KIF3C: variants seen among roughly 807,000 people sequenced by gnomAD.
KIF3C encodes kinesin-like protein KIF3C.
A neutral mutation model predicts 67.7 loss-of-function variants in KIF3C; 12 were observed. That is an observed-to-expected ratio of 0.18 (90% CI 0.11 to 0.29). KIF3C has a LOEUF of 0.29. Ranked by LOEUF, KIF3C falls within the 10% of genes least tolerant of loss-of-function variation. The pLI, the probability that KIF3C is intolerant of heterozygous loss-of-function variation, is 1.00. For synonymous variants in KIF3C, 393 were observed against 426.2 expected (o/e 0.92, Z 0.96); for missense variants, 789 against 1,059.6 (o/e 0.74, Z 3.55).
rs763979541 is a variant in KIF3C, at chr2:25,955,650, C to T, written c.1661G>A (p.Arg554Gln). 5 of 1,614,134 alleles carry T rather than the reference C, an allele frequency of 3.1e-6. No individual in the cohort carries two copies. Among genetic ancestry groups the T allele is most frequent in the Non-Finnish European group, 4.2e-6 (5 of 1,179,986 alleles). The change falls in exon 3 of 8, where the codon CGG becomes CAG. Residue 554 changes from arginine to glutamine, a missense_variant. Transcript: ENST00000264712. The surrounding 1 kb of genome is among the most constrained non-coding windows in gnomAD (Gnocchi z 5.0). The part of the protein sequence containing the change: ...QEIAEQKRRE[R>Q]EMQQEMMLRD... Reference sequence around the variant, plus strand: ...GAGCATCATCTCCTGCTGCATCTCCCGCTCACGACGTTTCTAGGCCAAGGA... The same window carrying T: ...GAGCATCATCTCCTGCTGCATCTCCTGCTCACGACGTTTCTAGGCCAAGGA...
chr2:25,952,260 C>G (rs1663636728), intron 4 of KIF3C, among the ~76,000 whole-genome samples: 1 of 151,880 alleles, frequency 6.6e-6, no homozygotes, highest in Admixed American at 6.6e-5. Flanking sequence ...TAGATCACAC[C>G]ACTGCACTCC....
Position 25,962,914 on chromosome 2 carries a change from T to A in KIF3C, c.1546-6470A>T, listed in dbSNP as rs1168645317. ...AATATAAAATATATATAATATATAA[T>A]ATATATAATATATAATACATATAAT... On this transcript the variant is annotated intron_variant, in intron 1 of 7. Coordinates refer to ENST00000264712, the MANE Select transcript of KIF3C (RefSeq NM_002254.8). 7.3e-5 allele frequency among the ~76,000 whole-genome samples: 4 copies of A among 54,946 alleles called. 1 individual carries two copies. Among genetic ancestry groups the A allele is most frequent in the African/African-American group, 2.0e-4 (2 of 10,070 alleles). The allele number at this position is 54,946 out of a possible 152,430, so 36.0% of individuals were successfully genotyped here.
At chr2:25,963,804 TG>T (rs1664072126) in intron 1 of KIF3C, among the ~76,000 whole-genome samples, 1 of 151,650 alleles carries the variant, frequency 6.6e-6, no homozygotes, top group African/African-American at 2.4e-5. Context: ...GCGACTCTCC[TG>T]CCTCAGCCTC....
In KIF3C at chr2:25,956,436, C is replaced by T. The variant is rs778828323; in HGVS notation, c.1554G>A (p.Glu518=). The part of the protein sequence containing the change: ...ELLAAKYKAM[E]SKLLIGGRNI... Reference sequence around the variant, plus strand: ...TCCTGCCCCCGATGAGGAGCTTGCTCTCCATGGCCTGGGGACACAGAGGGG... The same window carrying T: ...TCCTGCCCCCGATGAGGAGCTTGCTTTCCATGGCCTGGGGACACAGAGGGG... The change falls in exon 2 of 8, where the codon GAG becomes GAA. Residue 518 remains glutamate, a synonymous_variant. Coordinates refer to ENST00000264712, the MANE Select transcript of KIF3C (RefSeq NM_002254.8). 10 of 1,613,746 alleles carry T rather than the reference C, an allele frequency of 6.2e-6. No homozygotes were observed. In the East Asian group the frequency reaches 1.8e-4, roughly 29 times the overall value.
rs1157662074 is a variant in KIF3C, at chr2:25,932,630, T to C, written c.2007-2567A>G. Among the ~76,000 whole-genome samples the C allele has an allele frequency of 6.7e-5, 10 of 148,342 alleles. No individual in the cohort carries two copies. The South Asian group carries it at 1.1e-3, about 16-fold the overall frequency. ...GGCGGATCACCTGAGGTCAGGAGTT[T>C]GAGACCAGCCTGGCCAACATGGTGA... On this transcript the variant is annotated intron_variant, in intron 5 of 7. Coordinates refer to ENST00000264712, the MANE Select transcript of KIF3C (RefSeq NM_002254.8).
chr2:25,937,740 T>C (rs1033882455), intron 5 of KIF3C, among the ~76,000 whole-genome samples: 1 of 152,078 alleles, frequency 6.6e-6, no homozygotes, highest in African/African-American at 2.4e-5. Context: ...ATCTGAATCT[T>C]CCCATATACT....
In KIF3C at chr2:25,969,391, A is replaced by C. The variant is rs146696360; in HGVS notation, c.1545+10982T>G. Among the ~76,000 whole-genome samples, 561 of 152,278 alleles carry C rather than the reference A, an allele frequency of 3.7e-3. 2 individuals are homozygous for C. The highest frequency in any genetic ancestry group is 0.013 in the African/African-American group (546 of 41,558). ...ATTAATTTTTGTTTAATTTTTTAAA[A>C]GTGGGTGATGGGTGCACCAAAATCT... is the stretch of plus-strand genomic sequence containing the variant. On this transcript the variant is annotated intron_variant, in intron 1 of 7. Coordinates refer to ENST00000264712, the MANE Select transcript of KIF3C (RefSeq NM_002254.8).
chr2:25,971,901 C>CTTTTTTTTTTTTTTTTT (rs1173656634), intron 1 of KIF3C, among the ~76,000 whole-genome samples: 40 of 55,120 alleles, frequency 7.3e-4, no homozygotes, highest in African/African-American at 8.4e-4. Context: ...TTTTTTTTTA[C>CTTTTTTTTTTTTTTTTT]TTTTTTGTAG....
rs148885348 is a variant in KIF3C at position 25,981,780 on chromosome 2, G to A, written c.138C>T (p.Asn46=). The A allele has an allele frequency of 2.5e-6, 4 of 1,613,502 alleles. No individual in the cohort carries two copies. Among genetic ancestry groups the A allele is most frequent in the Non-Finnish European group, 3.4e-6 (4 of 1,179,748 alleles). The part of the protein sequence containing the change: ...DVKLGQVTLR[N]PRAAPGELPK... ...GCAGCTCCCCCGGGGCGGCGCGGGG[G>A]TTCCGCAGGGTCACCTGGCCCAGTT... The change falls in exon 1 of 8, where the codon AAC becomes AAT. Residue 46 remains asparagine (N), a synonymous_variant. Transcript: ENST00000264712. The surrounding 1 kb of genome is among the most constrained non-coding windows in gnomAD (Gnocchi z 8.2).
chr2:25,979,074 C>T (rs781072373), intron 1 of KIF3C, among the ~76,000 whole-genome samples: 3 of 152,206 alleles, frequency 2.0e-5, no homozygotes, highest in Non-Finnish European at 2.9e-5. Context: ...GGCCCCCCTG[C>T]TCCCCAGCCC....
At chr2:25,944,144 T>G (rs995198250) in intron 5 of KIF3C, among the ~76,000 whole-genome samples, 1 of 151,872 alleles carries the variant, frequency 6.6e-6, no homozygotes, top group Non-Finnish European at 1.5e-5. Context: ...GTCTCCCAGG[T>G]TCAAGCAATT....
intron 5 of KIF3C, among the ~76,000 whole-genome samples, chr2:25,949,995 A>G (rs1158897031): frequency 6.7e-6 from 1 of 150,196 alleles, no homozygotes; most frequent in African/African-American, 2.4e-5. Flanking sequence ...GGTTCAAGTG[A>G]TTCTCTTGCC....
At chr2:25,962,832 AT>A (rs1663995685) in intron 1 of KIF3C, among the ~76,000 whole-genome samples, 1 of 71,092 alleles carries the variant, frequency 1.4e-5, no homozygotes, top group Non-Finnish European at 2.5e-5. Flanking sequence ...TATAAAATAT[AT>A]AAAATATATA....
At chr2:25,961,520 T>G (rs1663941878) in intron 1 of KIF3C, among the ~76,000 whole-genome samples, 1 of 152,206 alleles carries the variant, frequency 6.6e-6, no homozygotes, top group Non-Finnish European at 1.5e-5. Context: ...CTAACTCTAC[T>G]AATTAAATGA....
rs758040873 is a variant in KIF3C, at chr2:25,980,504, TCTC to T, written c.1411_1413del (p.Glu471del). On this transcript the variant is annotated inframe_deletion, in exon 1 of 8. Transcript: ENST00000264712. This position sits in a 1 kb window ranked among gnomAD's most constrained non-coding sequence, Gnocchi z 7.6. The stretch of plus-strand genomic sequence containing the variant: ...CTGCGGTCATCCTGGATGGCTGCCT[TCTC>T]CTCCTCCAGCCGCTCCTTCTGTTCC... 20 of 1,614,060 alleles carry T rather than the reference TCTC, an allele frequency of 1.2e-5. No homozygotes were observed. The highest frequency in any genetic ancestry group is 1.6e-5 in the Non-Finnish European group (19 of 1,180,010).
intron 5 of KIF3C, among the ~76,000 whole-genome samples, chr2:25,932,190 C>T (rs578214130): frequency 4.0e-5 from 6 of 151,620 alleles, no homozygotes; most frequent in South Asian, 2.1e-4. Context: ...TTAGTAGAGA[C>T]GGGGTTTCAC....
chr2:25,975,631 A>T (rs1307676441), intron 1 of KIF3C, among the ~76,000 whole-genome samples: 1 of 152,072 alleles, frequency 6.6e-6, no homozygotes, highest in African/African-American at 2.4e-5. Context: ...GAGTTATTTC[A>T]CCTCAATGGA....
intron 1 of KIF3C, among the ~76,000 whole-genome samples, chr2:25,969,212 T>A (rs1034165376): frequency 6.6e-6 from 1 of 152,188 alleles, no homozygotes; most frequent in South Asian, 2.1e-4. Context: ...TGAGTATAAT[T>A]GAGCATTATT....
At chr2:25,940,811 C>T (rs1308916587) in intron 5 of KIF3C, among the ~76,000 whole-genome samples, 6 of 151,686 alleles carry the variant, frequency 4.0e-5, no homozygotes, top group South Asian at 2.1e-4. Flanking sequence ...CACTACCACA[C>T]GCGGCTAGTT....
Sources: gnomAD v4.1 joint callset for allele counts (sites outside exome capture counted in the v4.1 genomes callset) on GRCh38, gnomAD v4.1.1 for gene constraint, Gnocchi (gnomAD v3.1) non-coding constraint, MANE v1.5 for transcripts, NCBI Gene and HGNC (gene_info 2026-07-23, HGNC 2026-07-21) for gene names.